CHST15: variants seen among roughly 807,000 people sequenced by gnomAD.
The protein encoded by CHST15 is carbohydrate sulfotransferase 15, also known as B cell RAG associated protein (GALNAC4S-6ST).
In CHST15, 30 loss-of-function variants were observed where a neutral mutation model predicts 53.6. The ratio of observed to expected loss-of-function variants is 0.56; its 90% CI spans 0.42 to 0.76. The LOEUF (loss-of-function observed/expected upper bound fraction) is 0.76, where lower values mean the gene tolerates loss of function less well. Ranked by LOEUF, CHST15 falls within the 30% of genes least tolerant of loss-of-function variation. The pLI is 0.00. For synonymous variants in CHST15, 296 were observed against 289.8 expected, an observed-to-expected ratio of 1.02 and a Z score of -0.22; for missense variants, 627 against 740.5, an observed-to-expected ratio of 0.85 and a Z score of 1.78.
chr10:124,042,611 G>C (rs939505911), intron 3 of CHST15, among the ~76,000 whole-genome samples, 164 bp from the exon 4 acceptor site: 10 of 152,174 alleles, frequency 6.6e-5, no homozygotes, highest in African/African-American at 1.9e-4. Context: ...CTGGGGATGG[G>C]GGTGGGGGTC....
intron 5 of CHST15, among the ~76,000 whole-genome samples, chr10:124,027,292 G>A (rs998572978): frequency 6.6e-6 from 1 of 152,140 alleles, no homozygotes; most frequent in African/African-American, 2.4e-5. Flanking sequence ...ATGTTAGGGG[G>A]CATAGGGCTC....
At chr10:124,075,122 A>G (rs1165088923) in intron 1 of CHST15, among the ~76,000 whole-genome samples, 1 of 152,276 alleles carries the variant, frequency 6.6e-6, no homozygotes, top group African/African-American at 2.4e-5. Context: ...TTGAAAGTGA[A>G]AACAATGACT....
At chr10:124,063,254 G>T (rs1318113199) in intron 1 of CHST15, among the ~76,000 whole-genome samples, 3 of 151,984 alleles carry the variant, frequency 2.0e-5, no homozygotes, top group African/African-American at 7.3e-5. Flanking sequence ...GTGGTGGCAG[G>T]CACCTGTAAT....
rs1323263394 is a variant in CHST15, at chr10:124,009,043, A to C, written c.*1106T>G. On this transcript the variant is annotated 3_prime_UTR_variant, in exon 8 of 8. Transcript: ENST00000435907. ...TTTTGGAATTGGGACACGAGTATCTATAGTCCCTTGCTGGGTGAGGAACTT... is the reference window on the plus strand; with the variant it reads ...TTTTGGAATTGGGACACGAGTATCTCTAGTCCCTTGCTGGGTGAGGAACTT... 3.9e-6 allele frequency: 5 copies of C among 1,288,716 alleles called. No individual in the cohort carries two copies. The highest frequency in any genetic ancestry group is 5.1e-6 in the Non-Finnish European group (5 of 988,392). The allele number at this position is 1,288,716 out of a possible 1,614,324, so 79.8% of individuals were successfully genotyped here. A position where few individuals can be genotyped will look rare whatever the true frequency, so the allele number is the denominator to read the frequency against.
intron 6 of CHST15, chr10:124,020,795 T>A: frequency 8.9e-7 from 1 of 1,124,450 alleles, no homozygotes; most frequent in Non-Finnish European, 1.1e-6. Flanking sequence ...GAACAAGAGA[T>A]ACGATTGAGG....
At chr10:124,051,521 T>C (rs1247731883) in intron 1 of CHST15, among the ~76,000 whole-genome samples, 1 of 152,152 alleles carries the variant, frequency 6.6e-6, no homozygotes, top group East Asian at 1.9e-4. Flanking sequence ...GTCTGGAATG[T>C]CCACATTTGG....
chr10:124,050,937 T>C (rs993048787), intron 1 of CHST15, among the ~76,000 whole-genome samples: 2 of 152,064 alleles, frequency 1.3e-5, no homozygotes, highest in African/African-American at 4.8e-5. Flanking sequence ...AAGGAAGGCA[T>C]ACTACATATT....
chr10:124,011,010 G>T, intron 7 of CHST15: 2 of 984,258 alleles, frequency 2.0e-6, no homozygotes, highest in Non-Finnish European at 2.4e-6. Flanking sequence ...GGCTGGCAGA[G>T]GTTGTCAGTC....
intron 1 of CHST15, among the ~76,000 whole-genome samples, chr10:124,053,569 C>T (rs1948278117): frequency 6.6e-6 from 1 of 151,646 alleles, no homozygotes. Flanking sequence ...TCTCTACTCA[C>T]TGCAACCTCT....
chr10:124,071,409 T>C (rs142211991), intron 1 of CHST15, among the ~76,000 whole-genome samples: 1 of 152,300 alleles, frequency 6.6e-6, no homozygotes, highest in African/African-American at 2.4e-5. Flanking sequence ...AGCTGGGGCT[T>C]CTCTCCTCTC....
chr10:124,088,800 TA>T (rs1205667794), intron 1 of CHST15, among the ~76,000 whole-genome samples: 1 of 152,170 alleles, frequency 6.6e-6, no homozygotes, highest in Non-Finnish European at 1.5e-5. Flanking sequence ...AGTTACAATT[TA>T]AAAAATCTAT....
intron 1 of CHST15, among the ~76,000 whole-genome samples, chr10:124,061,723 G>A (rs1055521088): frequency 2.6e-5 from 4 of 152,200 alleles, no homozygotes; most frequent in Non-Finnish European, 5.9e-5. Flanking sequence ...AATAGAAAAC[G>A]GACTGGGCCT....
At chr10:124,053,404 C>T (rs927713934) in intron 1 of CHST15, among the ~76,000 whole-genome samples, 1 of 152,180 alleles carries the variant, frequency 6.6e-6, no homozygotes, top group East Asian at 1.9e-4. Context: ...AGCAGGGCCA[C>T]CTGGCTGAGC....
rs1441942582 is a variant in CHST15, at chr10:124,074,491, C to T, written c.-513+18978G>A. Among the ~76,000 whole-genome samples, 1 of 152,166 alleles carries T rather than the reference C, an allele frequency of 6.6e-6. No individual in the cohort carries two copies. The highest frequency in any genetic ancestry group is 1.5e-5 in the Non-Finnish European group (1 of 68,046). On this transcript the variant is annotated intron_variant, in intron 1 of 7. Transcript: ENST00000435907. The surrounding 1 kb of genome is among the most constrained non-coding windows in gnomAD (Gnocchi z 4.4). ...CTAGAAACAAGGATTCTAGCACATT[C>T]TAAGCCTTAAAATGAGAACTCTGGG...
chr10:124,089,596 A>G (rs1590389072), intron 1 of CHST15, among the ~76,000 whole-genome samples: 1 of 152,018 alleles, frequency 6.6e-6, no homozygotes, highest in African/African-American at 2.4e-5. Context: ...TCCCAACTTA[A>G]TATCATACCT....
intron 5 of CHST15, among the ~76,000 whole-genome samples, chr10:124,028,223 C>A (rs1947085306): frequency 6.6e-6 from 1 of 152,180 alleles, no homozygotes; most frequent in Admixed American, 6.5e-5. Context: ...TATCATGAAG[C>A]CGGAACACAC....
At chr10:124,044,162 G>A (rs1324540992) in intron 3 of CHST15, among the ~76,000 whole-genome samples, 1 of 147,782 alleles carries the variant, frequency 6.8e-6, no homozygotes, top group Non-Finnish European at 1.5e-5. Flanking sequence ...AAACGGCACA[G>A]AGCTTGGGAG....
chr10:124,035,783 CCAGTCTGGCAT>C (rs1340653957), intron 5 of CHST15, among the ~76,000 whole-genome samples: 5 of 152,186 alleles, frequency 3.3e-5, no homozygotes, highest in African/African-American at 1.2e-4. Flanking sequence ...CCTTCAAAAC[CCAGTCTGGCAT>C]CAGTCTTCTC....
At chr10:124,064,720 G>A (rs1948702215) in intron 1 of CHST15, among the ~76,000 whole-genome samples, 1 of 138,346 alleles carries the variant, frequency 7.2e-6, no homozygotes, top group Admixed American at 8.2e-5. Flanking sequence ...GTCCATCTCT[G>A]CCTCTCCCAG....
Sources: gnomAD v4.1 joint callset for allele counts (sites outside exome capture counted in the v4.1 genomes callset) on GRCh38, gnomAD v4.1.1 for gene constraint, Gnocchi (gnomAD v3.1) non-coding constraint, MANE v1.5 for transcripts, NCBI Gene and HGNC (gene_info 2026-07-23, HGNC 2026-07-21) for gene names.